Variants in GFRA2 observed in about 807,000 individuals in gnomAD.
The protein encoded by GFRA2 is GDNF family receptor alpha 2.
GFRA2 carries 17 observed loss-of-function variants against 48.3 expected under a neutral mutation model. The observed-to-expected ratio is 0.35, with a 90% CI of 0.24 to 0.53. GFRA2 has a LOEUF of 0.53. Ranked by LOEUF, GFRA2 falls within the 20% of genes least tolerant of loss-of-function variation. The probability of loss-of-function intolerance (pLI) is 0.93; values close to 1 mark genes in which losing one functional copy is unlikely to be tolerated. For missense variants in GFRA2, 660 were observed against 637.3 expected, an observed-to-expected ratio of 1.04 and a Z score of -0.38; for synonymous variants, 305 against 257.2, an observed-to-expected ratio of 1.19 and a Z score of -1.78.
rs1404883706 is a variant in GFRA2 at position 21,779,571 on chromosome 8, T to C, written c.355+3014A>G. The C allele has an allele frequency of 2.6e-5, 4 of 152,158 alleles. 1 individual carries two copies. The highest frequency in any genetic ancestry group is 2.0e-4 in the Admixed American group (3 of 15,268). The allele number at this position is 152,158 out of a possible 1,614,324, so 9.4% of individuals were successfully genotyped here. ...CTACTCAGCTCAGGCATTGAGCGCT[T>C]TAATTATTTGTACGCTACAGAGTCC... is the stretch of plus-strand genomic sequence containing the variant. On this transcript the variant is annotated intron_variant, in intron 2 of 8. Transcript: ENST00000524240.
chr8:21,754,516 T>TCTTTTTTTTTTTC (rs199670815), intron 3 of GFRA2, among the ~76,000 whole-genome samples: 2 of 149,774 alleles, frequency 1.3e-5, no homozygotes, highest in Middle Eastern at 3.5e-3. Context: ...TTTTTTTTTT[T>TCTTTTTTTTTTTC]TTTTTTTTTG....
At chr8:21,768,127 A>G (rs947958786) in intron 3 of GFRA2, among the ~76,000 whole-genome samples, 84 of 152,240 alleles carry the variant, frequency 5.5e-4, no homozygotes, top group Middle Eastern at 3.4e-3. Context: ...CCTCGTCTCC[A>G]TAGCCCCCAC....
chr8:21,719,872 T>C (rs554217838), intron 4 of GFRA2, among the ~76,000 whole-genome samples: 19 of 151,822 alleles, frequency 1.3e-4, no homozygotes, highest in African/African-American at 4.6e-4. Context: ...TCAAATGCTC[T>C]TCCTAGACCA....
intron 4 of GFRA2, among the ~76,000 whole-genome samples, chr8:21,707,885 A>G (rs1802827926): frequency 6.6e-6 from 1 of 152,222 alleles, no homozygotes; most frequent in African/African-American, 2.4e-5. Flanking sequence ...ATGGTTTAAA[A>G]GGTACTTTCA....
intron 4 of GFRA2, among the ~76,000 whole-genome samples, chr8:21,735,535 C>T (rs1437094113): frequency 2.0e-5 from 3 of 151,720 alleles, no homozygotes; most frequent in African/African-American, 7.3e-5. Context: ...GAGACGAACC[C>T]TTCCCCACCC....
intron 3 of GFRA2, among the ~76,000 whole-genome samples, chr8:21,765,744 C>A (rs1806121041): frequency 6.6e-6 from 1 of 152,114 alleles, no homozygotes; most frequent in Non-Finnish European, 1.5e-5. Context: ...ATACAGAACT[C>A]TTAATTTCTG....
chr8:21,810,865 A>AC (rs1482960700), intron 1 of GFRA2, among the ~76,000 whole-genome samples: 1 of 151,962 alleles, frequency 6.6e-6, no homozygotes, highest in Admixed American at 6.6e-5. Flanking sequence ...CAACCAAGCA[A>AC]CCCCCACAAC....
chr8:21,731,166 C>T (rs1004573630), intron 4 of GFRA2, among the ~76,000 whole-genome samples: 3 of 152,154 alleles, frequency 2.0e-5, no homozygotes, highest in Non-Finnish European at 4.4e-5. Context: ...CGTCACGTGG[C>T]GAGGTAGTGA....
At position 21,697,291 on chromosome 8, in the gene GFRA2, G is replaced by A. The variant is rs540331524; in HGVS notation, c.1219-2774C>T. Among the ~76,000 whole-genome samples, 26 of 151,540 alleles carry A rather than the reference G, an allele frequency of 1.7e-4. 1 individual carries two copies. The South Asian group carries it at 5.4e-3, about 32-fold the overall frequency. ...GGGGACAGAGGAACAGAAGACAGAG[G>A]GAAGAAATAGAGGAAGGAGGCAACA... On this transcript the variant is annotated intron_variant, in intron 7 of 8. Transcript: ENST00000524240.
chr8:21,747,735 C>A (rs1040060775), intron 4 of GFRA2, among the ~76,000 whole-genome samples: 1 of 150,886 alleles, frequency 6.6e-6, no homozygotes, highest in South Asian at 2.1e-4. Context: ...CCAGGCCGGG[C>A]CCACTGCGGT....
chr8:21,764,362 C>G (rs1418733570), intron 3 of GFRA2, among the ~76,000 whole-genome samples: 4 of 152,164 alleles, frequency 2.6e-5, no homozygotes, highest in African/African-American at 9.7e-5. Context: ...CATAAGGGCT[C>G]CACTCTCATG....
chr8:21,776,037 GT>G (rs1806685583), intron 2 of GFRA2, among the ~76,000 whole-genome samples: 1 of 139,790 alleles, frequency 7.2e-6, no homozygotes. Context: ...GTGTGTGTGT[GT>G]GTAGTGAAAA....
chr8:21,775,622 G>A (rs1189298457), intron 2 of GFRA2, among the ~76,000 whole-genome samples: 1 of 152,172 alleles, frequency 6.6e-6, no homozygotes, highest in Non-Finnish European at 1.5e-5. Flanking sequence ...AGGTCACTGA[G>A]GAGGACAGAA....
chr8:21,770,900 C>A (rs1438539033), intron 3 of GFRA2, among the ~76,000 whole-genome samples: 1 of 152,200 alleles, frequency 6.6e-6, no homozygotes, highest in Admixed American at 6.5e-5. Context: ...TTGGTTCCAC[C>A]CTCTCCTGCC....
At chr8:21,805,393 C>T (rs1807841001) in intron 1 of GFRA2, among the ~76,000 whole-genome samples, 1 of 152,202 alleles carries the variant, frequency 6.6e-6, no homozygotes, top group Admixed American at 6.5e-5. Flanking sequence ...CTATGCTACA[C>T]AGCCCTCTGC....
chr8:21,714,133 C>G lies in GFRA2; in HGVS notation c.795-8092G>C, dbSNP rs147365774. On this transcript the variant is annotated intron_variant, in intron 4 of 8. Coordinates refer to ENST00000524240, the MANE Select transcript of GFRA2 (RefSeq NM_001495.5). ...GTTATTAATAAAACCTCCCCTGGTC[C>G]AGGCTGTAAACACCTTCCCAAGAGC... 8.5e-3 allele frequency among the ~76,000 whole-genome samples: 1,287 copies of G among 152,066 alleles called. 20 individuals are homozygous for G. The highest frequency in any genetic ancestry group is 0.029 in the African/African-American group (1,216 of 41,470).
At chr8:21,725,507 T>C (rs938863942) in intron 4 of GFRA2, among the ~76,000 whole-genome samples, 4 of 152,370 alleles carry the variant, frequency 2.6e-5, no homozygotes, top group East Asian at 1.9e-4. Context: ...TTGTTTTCTA[T>C]AATTATTTCC....
intron 1 of GFRA2, among the ~76,000 whole-genome samples, chr8:21,785,052 A>G (rs937542358): frequency 2.0e-5 from 3 of 152,066 alleles, no homozygotes; most frequent in African/African-American, 7.2e-5. Context: ...ATGCCCTCCC[A>G]CCTTGACTGA....
chr8:21,732,157 C>G (rs2117503065), intron 4 of GFRA2, among the ~76,000 whole-genome samples: 1 of 152,368 alleles, frequency 6.6e-6, no homozygotes, highest in South Asian at 2.1e-4. Context: ...TCTTACATTC[C>G]TAGAGACACA....
Sources: allele counts gnomAD v4.1 joint callset (sites outside exome capture counted in the v4.1 genomes callset), GRCh38; gene constraint gnomAD v4.1.1; transcripts MANE v1.5; gene names NCBI Gene and HGNC (gene_info 2026-07-23, HGNC 2026-07-21).